Variants in DLGAP1 observed in about 807,000 individuals in gnomAD.
DLGAP1 encodes DLG associated protein 1.
In DLGAP1, 11 loss-of-function variants were observed where a neutral mutation model predicts 90.8. The ratio of observed to expected loss-of-function variants is 0.12; its 90% CI spans 0.08 to 0.20. DLGAP1 has a LOEUF of 0.20. DLGAP1 is among the 10% of genes least tolerant of loss of function. DLGAP1 has a pLI of 1.00. For synonymous variants in DLGAP1, 558 were observed against 540.7 expected, an observed-to-expected ratio of 1.03 and a Z score of -0.44; for missense variants, 1,050 against 1,333.8, an observed-to-expected ratio of 0.79 and a Z score of 3.31.
At chr18:4,332,963 C>T (rs1417985923) in intron 1 of DLGAP1, among the ~76,000 whole-genome samples, 1 of 151,948 alleles carries the variant, frequency 6.6e-6, no homozygotes, top group Non-Finnish European at 1.5e-5. Context: ...AAAAGTTTCT[C>T]TGTCAGCAAG....
intron 5 of DLGAP1, among the ~76,000 whole-genome samples, chr18:3,801,266 C>T (rs959282615): frequency 6.6e-6 from 1 of 152,218 alleles, no homozygotes; most frequent in Non-Finnish European, 1.5e-5. Context: ...AGGGGACAAA[C>T]ACCCAAACTA....
At chr18:3,885,130 T>C (rs757105514) in intron 3 of DLGAP1, among the ~76,000 whole-genome samples, 3 of 152,226 alleles carry the variant, frequency 2.0e-5, no homozygotes, top group Non-Finnish European at 4.4e-5. Context: ...GCACCTACTA[T>C]GGAGGTCCTG....
At chr18:3,822,805 G>C (rs1231325574) in intron 4 of DLGAP1, among the ~76,000 whole-genome samples, 1 of 152,094 alleles carries the variant, frequency 6.6e-6, no homozygotes, top group African/African-American at 2.4e-5. Context: ...ACATCAAAAG[G>C]GGCACTAACT....
chr18:3,777,722 T>A (rs1207487099), intron 5 of DLGAP1, among the ~76,000 whole-genome samples: 7 of 152,206 alleles, frequency 4.6e-5, no homozygotes, highest in Admixed American at 4.6e-4. Context: ...AAATCAGTGA[T>A]AAATTTGGGT....
Position 3,748,442 on chromosome 18 carries a change from C to A in DLGAP1, c.1173-5930G>T, listed in dbSNP as rs182587508. 2.0e-5 allele frequency among the ~76,000 whole-genome samples: 3 copies of A among 152,350 alleles called. No homozygotes were observed. The East Asian group carries it at 5.8e-4, about 29-fold the overall frequency. On this transcript the variant is annotated intron_variant, in intron 5 of 12. Transcript: ENST00000315677. ...GCTTTTTCCCCCAAAGAAGGAAATG[C>A]TTCCAGGTTATGGAGTCTAATGGGA...
intron 1 of DLGAP1, among the ~76,000 whole-genome samples, chr18:4,246,936 C>G (rs2078664857): frequency 6.6e-6 from 1 of 152,102 alleles, no homozygotes; most frequent in Admixed American, 6.6e-5. Flanking sequence ...TATCTTGTTT[C>G]AAGATTGTAA....
chr18:3,729,023 T>G lies in DLGAP1; in HGVS notation c.1591+112A>C. 1 of 1,439,866 alleles carries G rather than the reference T, an allele frequency of 6.9e-7. No individual in the cohort carries two copies. The highest frequency in any genetic ancestry group is 2.3e-5 in the Admixed American group (1 of 44,086). The allele number at this position is 1,439,866 out of a possible 1,614,324, so 89.2% of individuals were successfully genotyped here. A position where few individuals can be genotyped will look rare whatever the true frequency, so the allele number is the denominator to read the frequency against. ...AAACCTTTGGTTTGTAGGACATGGG[T>G]GGTATCTTGTTCCTGGCAACTATGT... is the stretch of plus-strand genomic sequence containing the variant. On this transcript the variant is annotated intron_variant, in intron 7 of 12. Coordinates refer to ENST00000315677, the MANE Select transcript of DLGAP1 (RefSeq NM_004746.4). This position sits in a 1 kb window ranked among gnomAD's most constrained non-coding sequence, Gnocchi z 6.2.
At chr18:3,585,320 C>G (rs997675947) in intron 7 of DLGAP1, among the ~76,000 whole-genome samples, 4 of 152,202 alleles carry the variant, frequency 2.6e-5, no homozygotes, top group African/African-American at 9.7e-5. Context: ...CTCTGGTTCC[C>G]AGAGAGGCAT....
At chr18:3,627,162 A>T (rs1047267586) in intron 7 of DLGAP1, among the ~76,000 whole-genome samples, 1 of 151,168 alleles carries the variant, frequency 6.6e-6, no homozygotes, top group Non-Finnish European at 1.5e-5. Context: ...CTGGTCTTGA[A>T]CTCCTGAGCT....
intron 5 of DLGAP1, among the ~76,000 whole-genome samples, chr18:3,788,187 TTTC>T (rs537428210): frequency 8.3e-4 from 126 of 152,368 alleles, no homozygotes; most frequent in Non-Finnish European, 1.6e-3. Context: ...TTCCAAAGTC[TTTC>T]TTCATCTGAA....
At chr18:4,113,497 C>T (rs189218003) in intron 2 of DLGAP1, among the ~76,000 whole-genome samples, 127 of 151,918 alleles carry the variant, frequency 8.4e-4, no homozygotes, top group Non-Finnish European at 1.5e-3. Flanking sequence ...TGTTTAAATT[C>T]CTTTTAGATT....
intron 10 of DLGAP1, among the ~76,000 whole-genome samples, chr18:3,529,643 C>T (rs1359062462): frequency 6.6e-6 from 1 of 152,090 alleles, no homozygotes; most frequent in Non-Finnish European, 1.5e-5. Flanking sequence ...TTTCAGAAAG[C>T]TTACTTTTTA....
chr18:4,019,431 T>TA (rs1343401451), intron 2 of DLGAP1, among the ~76,000 whole-genome samples: 2 of 152,174 alleles, frequency 1.3e-5, no homozygotes, highest in African/African-American at 4.8e-5. Flanking sequence ...TTCATATACT[T>TA]ACAAGATATA....
At chr18:4,266,639 T>A (rs560546467) in intron 1 of DLGAP1, among the ~76,000 whole-genome samples, 1 of 152,206 alleles carries the variant, frequency 6.6e-6, no homozygotes, top group Non-Finnish European at 1.5e-5. Context: ...CAAATTTCTA[T>A]CTAAAGACAG....
intron 7 of DLGAP1, among the ~76,000 whole-genome samples, chr18:3,684,537 A>G (rs1598342693): frequency 1.3e-5 from 2 of 152,126 alleles, no homozygotes; most frequent in South Asian, 2.1e-4. Context: ...TTTGAAAATT[A>G]GTGATCTTCC....
Position 4,383,741 on chromosome 18 carries a change from G to A in DLGAP1, c.-267+71265C>T, listed in dbSNP as rs1461552496. 6.6e-6 allele frequency among the ~76,000 whole-genome samples: 1 copy of A among 152,044 alleles called. No individual in the cohort carries two copies. The highest frequency in any genetic ancestry group is 1.5e-5 in the Non-Finnish European group (1 of 67,984). The stretch of plus-strand genomic sequence containing the variant: ...TGTGACTGTTTTAAGTAACCAAATG[G>A]AGAAAACACAAATATCATGATATTG... On this transcript the variant is annotated intron_variant, in intron 1 of 12. Coordinates refer to ENST00000315677, the MANE Select transcript of DLGAP1 (RefSeq NM_004746.4). The surrounding 1 kb of genome is among the most constrained non-coding windows in gnomAD (Gnocchi z 4.0).
chr18:3,825,079 C>T (rs1198828440), intron 4 of DLGAP1, among the ~76,000 whole-genome samples: 1 of 152,170 alleles, frequency 6.6e-6, no homozygotes, highest in African/African-American at 2.4e-5. Flanking sequence ...CAGAGGATGT[C>T]CCACAAACAT....
intron 1 of DLGAP1, among the ~76,000 whole-genome samples, chr18:4,197,410 C>T (rs1290386265): frequency 1.3e-5 from 2 of 151,850 alleles, no homozygotes; most frequent in Non-Finnish European, 2.9e-5. Flanking sequence ...TTTCAAAATA[C>T]AGAGCATCTA....
At chr18:4,360,880 C>T (rs551497673) in intron 1 of DLGAP1, among the ~76,000 whole-genome samples, 5 of 151,716 alleles carry the variant, frequency 3.3e-5, no homozygotes, top group Admixed American at 2.6e-4. Context: ...CTCAGGAGGC[C>T]GAAGCAGGAG....
Sources: gnomAD v4.1 joint callset for allele counts (sites outside exome capture counted in the v4.1 genomes callset) on GRCh38, gnomAD v4.1.1 for gene constraint, Gnocchi (gnomAD v3.1) non-coding constraint, MANE v1.5 for transcripts, NCBI Gene and HGNC (gene_info 2026-07-23, HGNC 2026-07-21) for gene names.